The following GATAD2B variants were observed in gnomAD, a reference collection of about 807,000 sequenced individuals.
GATAD2B encodes the protein transcriptional repressor p66-beta.
Under a neutral mutation model 64.3 loss-of-function variants are expected in GATAD2B, and 8 were observed. That is an observed-to-expected ratio of 0.12 (90% confidence interval 0.07 to 0.22). GATAD2B has a LOEUF of 0.22. GATAD2B is among the 10% of genes least tolerant of loss of function. The pLI is 1.00. For missense variants in GATAD2B, 453 were observed against 752.0 expected, an observed-to-expected ratio of 0.60 and a Z score of 4.65; for synonymous variants, 281 against 271.3, an observed-to-expected ratio of 1.04 and a Z score of -0.35.
intron 1 of GATAD2B, among the ~76,000 whole-genome samples, chr1:153,901,857 T>TAAATAAATAAATA (rs1553198702): frequency 1.4e-4 from 21 of 146,482 alleles, no homozygotes; most frequent in Middle Eastern, 3.4e-3. Flanking sequence ...ATAAATAAAT[T>TAAATAAATAAATA]AAATAAAATG....
intron 7 of GATAD2B, among the ~76,000 whole-genome samples, chr1:153,815,385 C>A (rs1674443909): frequency 6.6e-6 from 1 of 151,204 alleles, no homozygotes. Context: ...AAAATACAGT[C>A]AGTCCTCAAT....
chr1:153,913,789 G>A (rs1163345039), intron 1 of GATAD2B, among the ~76,000 whole-genome samples: 4 of 151,448 alleles, frequency 2.6e-5, no homozygotes, highest in Non-Finnish European at 4.4e-5. Flanking sequence ...GCATGGTGGC[G>A]GGCACCTGTA....
At chr1:153,829,635 G>A (rs1458364498) in intron 1 of GATAD2B, among the ~76,000 whole-genome samples, 1 of 152,136 alleles carries the variant, frequency 6.6e-6, no homozygotes, top group East Asian at 1.9e-4. Context: ...TACTTGGGAA[G>A]CTGAGGCAAA....
chr1:153,875,990 A>G (rs1676814383), intron 1 of GATAD2B, among the ~76,000 whole-genome samples: 1 of 151,974 alleles, frequency 6.6e-6, no homozygotes, highest in African/African-American at 2.4e-5. Context: ...GCACTTTGAG[A>G]GGCCAAAGCA....
chr1:153,880,582 C>T (rs1468248055), intron 1 of GATAD2B, among the ~76,000 whole-genome samples: 1 of 152,154 alleles, frequency 6.6e-6, no homozygotes, highest in Non-Finnish European at 1.5e-5. Flanking sequence ...GGAGGCATTT[C>T]TCTTTTAATC....
At chr1:153,835,444 C>G (rs1230657411) in intron 1 of GATAD2B, among the ~76,000 whole-genome samples, 1 of 151,162 alleles carries the variant, frequency 6.6e-6, no homozygotes, top group African/African-American at 2.4e-5. Flanking sequence ...CCAGGTTGGG[C>G]AGGCGCAGTG....
At chr1:153,827,323 C>A (rs1035596475) in intron 2 of GATAD2B, among the ~76,000 whole-genome samples, 1 of 150,754 alleles carries the variant, frequency 6.6e-6, no homozygotes, top group Non-Finnish European at 1.5e-5. Flanking sequence ...GTTATCTATA[C>A]TATGATTCAC....
intron 1 of GATAD2B, among the ~76,000 whole-genome samples, chr1:153,835,871 T>C (rs1557793637): frequency 6.6e-6 from 1 of 151,936 alleles, no homozygotes; most frequent in Non-Finnish European, 1.5e-5. Context: ...TACAGGCGCG[T>C]ACCACCATGC....
intron 1 of GATAD2B, among the ~76,000 whole-genome samples, chr1:153,916,462 T>G (rs553009419): frequency 1.3e-5 from 2 of 152,294 alleles, no homozygotes; most frequent in African/African-American, 4.8e-5. Flanking sequence ...ATTTCTGGTT[T>G]AGATGACTCA....
intron 7 of GATAD2B, among the ~76,000 whole-genome samples, chr1:153,815,719 TGATA>T (rs1674457277): frequency 6.6e-6 from 1 of 150,894 alleles, no homozygotes. Context: ...ATTAGATAGA[TGATA>T]GATTAGATAG....
chr1:153,908,781 GGAAA>G (rs1187419127), intron 1 of GATAD2B, among the ~76,000 whole-genome samples: 3 of 29,176 alleles, frequency 1.0e-4, no homozygotes, highest in Non-Finnish European at 4.0e-4. Context: ...AAACATACTT[GGAAA>G]AAAAAAAAAA....
At chr1:153,873,771 C>T (rs1676742151) in intron 1 of GATAD2B, among the ~76,000 whole-genome samples, 1 of 152,150 alleles carries the variant, frequency 6.6e-6, no homozygotes, top group Admixed American at 6.6e-5. Flanking sequence ...TAGTGAGACC[C>T]CATCTCTACA....
intron 1 of GATAD2B, among the ~76,000 whole-genome samples, chr1:153,870,867 G>A (rs1224186460): frequency 2.0e-5 from 3 of 152,138 alleles, no homozygotes; most frequent in Non-Finnish European, 4.4e-5. Context: ...CTGTGTATAT[G>A]TGTATATATG....
Position 153,812,007 on chromosome 1 carries a change from C to T in GATAD2B, c.1530+15G>A, listed in dbSNP as rs751625973. On this transcript the variant is annotated intron_variant, in intron 9 of 10. Transcript: ENST00000368655. ...ATCTTCTAAAGAAATCAGGATCAGG[C>T]AAAAAGTTCCTTACCTGCCGAAGCG... is the stretch of plus-strand genomic sequence containing the variant. 2 of 1,511,866 alleles carry T rather than the reference C, an allele frequency of 1.3e-6. No homozygotes were observed. The highest frequency in any genetic ancestry group is 1.8e-6 in the Non-Finnish European group (2 of 1,088,758). 93.7% of individuals were successfully genotyped at this position (1,511,866 alleles called of 1,614,324 possible).
intron 1 of GATAD2B, among the ~76,000 whole-genome samples, chr1:153,907,631 G>C (rs935450616): frequency 2.6e-5 from 4 of 151,802 alleles, no homozygotes; most frequent in African/African-American, 9.7e-5. Context: ...TACTTTAAAA[G>C]GGTAAATTTT....
intron 1 of GATAD2B, among the ~76,000 whole-genome samples, chr1:153,911,440 T>C (rs1445139691): frequency 6.6e-6 from 1 of 152,114 alleles, no homozygotes; most frequent in African/African-American, 2.4e-5. Context: ...GAATTAAAAA[T>C]GCACAACTTC....
At chr1:153,922,446 C>G (rs1258431601) in intron 1 of GATAD2B, among the ~76,000 whole-genome samples, 2 of 148,770 alleles carry the variant, frequency 1.3e-5, no homozygotes, top group African/African-American at 5.0e-5. Flanking sequence ...TGGGGGCGCG[C>G]GAGGCCGAAG....
intron 1 of GATAD2B, among the ~76,000 whole-genome samples, chr1:153,899,794 T>C (rs1041398094): frequency 2.6e-5 from 4 of 152,210 alleles, no homozygotes; most frequent in African/African-American, 9.6e-5. Context: ...GAAACTCTTA[T>C]AGCCTGTTGG....
intron 2 of GATAD2B, among the ~76,000 whole-genome samples, chr1:153,822,995 G>C (rs1674737112): frequency 6.6e-6 from 1 of 151,986 alleles, no homozygotes. Flanking sequence ...ATGTTACTAA[G>C]GCTGGTCTTA....
Sources: gnomAD v4.1 joint callset for allele counts (sites outside exome capture counted in the v4.1 genomes callset) on GRCh38, gnomAD v4.1.1 for gene constraint, MANE v1.5 for transcripts, NCBI Gene and HGNC (gene_info 2026-07-23, HGNC 2026-07-21) for gene names.